The following CTSH variants were observed in gnomAD, a reference collection of about 807,000 sequenced individuals.
CTSH encodes the protein cathepsin H.
CTSH carries 52 observed loss-of-function variants against 56.3 expected under a neutral mutation model. That is an observed-to-expected ratio of 0.92 (90% CI 0.74 to 1.16). The LOEUF is 1.16. Among genes scored for constraint, CTSH ranks in the 50% most tolerant of loss-of-function variants. The pLI is 0.00. For synonymous variants in CTSH, 174 were observed against 155.7 expected, an observed-to-expected ratio of 1.12 and a Z score of -0.88; for missense variants, 406 against 424.5, an observed-to-expected ratio of 0.96 and a Z score of 0.38.
chr15:78,939,117 A>G, intron 2 of CTSH, 23 bp downstream of exon 2: 1 of 1,583,746 alleles, frequency 6.3e-7, no homozygotes, highest in South Asian at 1.2e-5. Flanking sequence ...AAAAACTTCA[A>G]AAAGAAGAAG....
At chr15:78,922,463 T>C (rs920268748) in intron 11 of CTSH, among the ~76,000 whole-genome samples, 4 of 152,204 alleles carry the variant, frequency 2.6e-5, no homozygotes, top group Non-Finnish European at 5.9e-5. Flanking sequence ...GGGCCCCCTC[T>C]TAGCCCTGGC....
At chr15:78,938,197 C>T (rs1258032196) in intron 2 of CTSH, among the ~76,000 whole-genome samples, 1 of 152,126 alleles carries the variant, frequency 6.6e-6, no homozygotes, top group African/African-American at 2.4e-5. Flanking sequence ...GGCGAACCCC[C>T]ATCTCTACTA....
intron 1 of CTSH, chr15:78,944,547 G>C: frequency 4.6e-6 from 1 of 219,112 alleles, no homozygotes; most frequent in Non-Finnish European, 9.1e-6. Flanking sequence ...CCTCTGGCAG[G>C]GACAGATCAG....
At chr15:78,932,234 T>G in intron 6 of CTSH, 138 bp downstream of exon 6, 1 of 844,200 alleles carries the variant, frequency 1.2e-6, no homozygotes, top group Non-Finnish European at 1.8e-6. Flanking sequence ...TCATGCCAGA[T>G]GTCCACAAGG....
chr15:78,924,425 A>G (rs1250197739), intron 10 of CTSH, among the ~76,000 whole-genome samples: 1 of 151,948 alleles, frequency 6.6e-6, no homozygotes, highest in African/African-American at 2.4e-5. Flanking sequence ...AATGGTGACC[A>G]GGGCAGAGCC....
At chr15:78,944,781 G>A (rs2055361494) in intron 1 of CTSH, 110 bp downstream of exon 1, 8 of 1,394,676 alleles carry the variant, frequency 5.7e-6, no homozygotes, top group Admixed American at 2.8e-5. Context: ...CTCTCACCGG[G>A]GAAAGCTCTG....
intron 1 of CTSH, among the ~76,000 whole-genome samples, chr15:78,944,338 C>T (rs1317997591): frequency 1.3e-5 from 2 of 152,226 alleles, no homozygotes; most frequent in Non-Finnish European, 2.9e-5. Context: ...GGGGCTCCAC[C>T]TGACGCCATG....
At chr15:78,939,053 C>T in intron 2 of CTSH, 87 bp downstream of exon 2, 1 of 1,267,392 alleles carries the variant, frequency 7.9e-7, no homozygotes. Context: ...TTCCCTTTTT[C>T]ATTGTCTCAA....
In CTSH at chr15:78,935,677, T is replaced by C; in HGVS notation, c.300+3A>G. 2 of 1,607,800 alleles carry C rather than the reference T, an allele frequency of 1.2e-6. No homozygotes were observed. The highest frequency in any genetic ancestry group is 1.7e-6 in the Non-Finnish European group (2 of 1,175,148). ...AGATTTGGTTGCAATGAATTATACC[T>C]ACCTGAGGCTCTGACCAGAGATACT... is the stretch of plus-strand genomic sequence containing the variant. On this transcript the variant is annotated splice_donor_region_variant and intron_variant, in intron 4 of 11. Transcript: ENST00000220166.
chr15:78,944,763 T>G (rs2055360702), intron 1 of CTSH, 128 bp downstream of exon 1: 17 of 1,369,654 alleles, frequency 1.2e-5, no homozygotes, highest in Non-Finnish European at 1.6e-5. Flanking sequence ...GCACGCAGAG[T>G]TCCTGGCCTC....
Position 78,927,695 on chromosome 15 carries a change from AG to A in CTSH, c.699+17del. Reference sequence around the variant, plus strand: ...CATCAGGACACATTCCCCATCCCAGAGGGGGATCGGCACTCACGATTGTGAT... The same window carrying A: ...CATCAGGACACATTCCCCATCCCAGAGGGGATCGGCACTCACGATTGTGAT... On this transcript the variant is annotated intron_variant, in intron 9 of 11. Coordinates refer to ENST00000220166, the MANE Select transcript of CTSH (RefSeq NM_004390.5). 1 of 1,610,950 alleles carries A rather than the reference AG, an allele frequency of 6.2e-7. No individual in the cohort carries two copies. The highest frequency in any genetic ancestry group is 2.2e-5 in the East Asian group (1 of 44,866).
At chr15:78,922,904 C>T (rs2054804109) in intron 11 of CTSH, 89 bp downstream of exon 11, 39 of 1,480,244 alleles carry the variant, frequency 2.6e-5, no homozygotes, top group Non-Finnish European at 3.3e-5. Flanking sequence ...TCTGTGGAAG[C>T]CGTAACTCTG....
intron 1 of CTSH, among the ~76,000 whole-genome samples, chr15:78,942,493 G>A (rs2055317046): frequency 6.6e-6 from 1 of 152,194 alleles, no homozygotes; most frequent in African/African-American, 2.4e-5. Flanking sequence ...GATCACAGGC[G>A]TGAGCCCCCA....
Position 78,922,159 on chromosome 15 carries a change from A to G in CTSH, c.979T>C (p.Cys327Arg). The change falls in exon 12 of 12, where the codon TGC (cysteine) becomes CGC (arginine). Residue 327 changes from cysteine (C) to arginine (R), a missense_variant. Coordinates refer to ENST00000220166, the MANE Select transcript of CTSH (RefSeq NM_004390.5). Reference protein sequence around the residue: ...RGKNMCGLAACASYPIPLV With the variant: ...RGKNMCGLAARASYPIPLV ...ACCAGAGGGATGGGGTAGGAGGCGC[A>G]GGCAGCCAGGCCACACATGTTCTTT... is the stretch of plus-strand genomic sequence containing the variant. 1 of 1,580,462 alleles carries G rather than the reference A, an allele frequency of 6.3e-7. No homozygotes were observed. Among genetic ancestry groups the G allele is most frequent in the Non-Finnish European group, 8.6e-7 (1 of 1,164,052 alleles).
intron 1 of CTSH, among the ~76,000 whole-genome samples, chr15:78,941,790 C>T (rs1420264525): frequency 1.0e-4 from 12 of 119,796 alleles, no homozygotes; most frequent in Non-Finnish European, 1.9e-4. Context: ...AATGAGACTC[C>T]GTCTCAAAAA....
At chr15:78,933,574 G>A (rs1223472372) in intron 5 of CTSH, 9 of 454,252 alleles carry the variant, frequency 2.0e-5, no homozygotes, top group South Asian at 6.2e-5. Context: ...AGGGAGGGAC[G>A]GCCTGGTGAG....
At chr15:78,932,056 G>T in intron 6 of CTSH, 1 of 1,237,630 alleles carries the variant, frequency 8.1e-7, no homozygotes, top group Non-Finnish European at 1.0e-6. Flanking sequence ...GAAGGGTGTA[G>T]CTCCTAGTTG....
intron 9 of CTSH, 105 bp from the exon 10 acceptor site, chr15:78,925,545 A>G: frequency 5.5e-6 from 4 of 723,902 alleles, no homozygotes; most frequent in Non-Finnish European, 9.6e-6. Context: ...CCAGAGCAGC[A>G]TGGATGGCCA....
At chr15:78,925,949 C>T in intron 9 of CTSH, 1 of 159,322 alleles carries the variant, frequency 6.3e-6, no homozygotes, top group Admixed American at 6.1e-5. Flanking sequence ...CTGGAGGCTG[C>T]AGCTTTGGAA....
Sources: allele counts gnomAD v4.1 joint callset (sites outside exome capture counted in the v4.1 genomes callset), GRCh38; gene constraint gnomAD v4.1.1; transcripts MANE v1.5; gene names NCBI Gene and HGNC (gene_info 2026-07-23, HGNC 2026-07-21).